Variants in ENOX1 observed in about 807,000 individuals in gnomAD.
The protein encoded by ENOX1 is candidate growth-related and time keeping constitutive hydroquinone (NADH) oxidase.
ENOX1 carries 42 observed loss-of-function variants against 82.5 expected under a neutral mutation model. That is an observed-to-expected ratio of 0.51 (90% CI 0.40 to 0.66). ENOX1 has a LOEUF of 0.66. Among genes scored for constraint, ENOX1 ranks in the 30% least tolerant of loss-of-function variants. ENOX1 has a pLI of 0.00. For synonymous variants in ENOX1, 271 were observed against 282.2 expected, an observed-to-expected ratio of 0.96 and a Z score of 0.40; for missense variants, 608 against 811.6, an observed-to-expected ratio of 0.75 and a Z score of 3.05.
Position 43,705,171 on chromosome 13 carries a change from T to C in ENOX1, c.-284-37627A>G, listed in dbSNP as rs575780098. Reference sequence around the variant, plus strand: ...GACAAATGGAAACCAAATAGCAAAATTGCACACTTAAAAACAAATATCAAA... The same window carrying C: ...GACAAATGGAAACCAAATAGCAAAACTGCACACTTAAAAACAAATATCAAA... On this transcript the variant is annotated intron_variant, in intron 1 of 16. Coordinates refer to ENST00000690772, the MANE Select transcript of ENOX1 (RefSeq NM_001347969.2). Among the ~76,000 whole-genome samples the C allele has an allele frequency of 1.7e-4, 26 of 151,466 alleles. No homozygotes were observed. In the East Asian group the frequency reaches 4.1e-3, roughly 24 times the overall value.
At chr13:43,272,905 A>G (rs2044772736) in intron 12 of ENOX1, among the ~76,000 whole-genome samples, 1 of 152,158 alleles carries the variant, frequency 6.6e-6, no homozygotes, top group Admixed American at 6.5e-5. Context: ...CTAGTACTCT[A>G]CTCAGACTGT....
chr13:43,490,093 C>A (rs2076569688), intron 2 of ENOX1, among the ~76,000 whole-genome samples: 2 of 152,116 alleles, frequency 1.3e-5, no homozygotes, highest in South Asian at 4.1e-4. Context: ...TGCCTGCCCC[C>A]ACGCCCAGCC....
At position 43,688,212 on chromosome 13, in the gene ENOX1, A is replaced by C. The variant is rs535735465; in HGVS notation, c.-284-20668T>G. On this transcript the variant is annotated intron_variant, in intron 1 of 16. Coordinates refer to ENST00000690772, the MANE Select transcript of ENOX1 (RefSeq NM_001347969.2). ...GTATCATTAACGGGAGGTTAACTGC[A>C]ACAAGTAGACCTTCAACATTTCCTT... 1.1e-4 allele frequency among the ~76,000 whole-genome samples: 17 copies of C among 152,270 alleles called. No individual in the cohort carries two copies. In the East Asian group the frequency reaches 3.3e-3, roughly 29 times the overall value.
At chr13:43,586,143 C>T (rs2080970823) in intron 2 of ENOX1, among the ~76,000 whole-genome samples, 1 of 152,194 alleles carries the variant, frequency 6.6e-6, no homozygotes, top group Non-Finnish European at 1.5e-5. Context: ...TTACTGTTCT[C>T]CCTACGTCTG....
chr13:43,470,247 T>C (rs113413876), intron 3 of ENOX1, among the ~76,000 whole-genome samples: 1 of 59,782 alleles, frequency 1.7e-5, no homozygotes, highest in African/African-American at 4.6e-5. Context: ...TGTATATATA[T>C]ACATATATAT....
At chr13:43,650,921 C>A (rs756789086) in intron 2 of ENOX1, among the ~76,000 whole-genome samples, 25 of 152,192 alleles carry the variant, frequency 1.6e-4, no homozygotes, top group Non-Finnish European at 3.5e-4. Flanking sequence ...TGTTCAGGAA[C>A]CTCATCACGT....
At chr13:43,228,956 T>C (rs1430243767) in intron 15 of ENOX1, among the ~76,000 whole-genome samples, 5 of 152,240 alleles carry the variant, frequency 3.3e-5, no homozygotes, top group Admixed American at 6.5e-5. Context: ...GGTTTGGCTA[T>C]GTCCCCCCAA....
chr13:43,453,944 T>C (rs1435723481), intron 3 of ENOX1, among the ~76,000 whole-genome samples: 1 of 152,292 alleles, frequency 6.6e-6, no homozygotes, highest in Admixed American at 6.5e-5. Context: ...AGAGTAAGAC[T>C]GGCAGAGGGT....
intron 3 of ENOX1, among the ~76,000 whole-genome samples, chr13:43,453,348 C>T (rs1043536542): frequency 5.3e-5 from 8 of 152,160 alleles, no homozygotes; most frequent in Non-Finnish European, 8.8e-5. Flanking sequence ...GCACACTCTC[C>T]GTGCTTAGGA....
intron 14 of ENOX1, among the ~76,000 whole-genome samples, chr13:43,247,849 ATATATATATATATAT>A (rs2043175358): frequency 7.6e-3 from 9 of 1,178 alleles, no homozygotes; most frequent in Non-Finnish European, 0.011. Flanking sequence ...ATATATATAT[ATATATATATATATAT>A]ATATATATAT....
intron 2 of ENOX1, among the ~76,000 whole-genome samples, chr13:43,503,331 A>G (rs1392809850): frequency 2.0e-5 from 3 of 151,836 alleles, no homozygotes; most frequent in Admixed American, 1.3e-4. Context: ...TACAGATTCA[A>G]TGAAACCTCT....
At chr13:43,512,858 TTCCA>T (rs1223746183) in intron 2 of ENOX1, among the ~76,000 whole-genome samples, 1 of 152,152 alleles carries the variant, frequency 6.6e-6, no homozygotes, top group Non-Finnish European at 1.5e-5. Flanking sequence ...ATGAGCATTT[TTCCA>T]TCCATCTATC....
chr13:43,619,266 C>G (rs896085536), intron 2 of ENOX1, among the ~76,000 whole-genome samples: 2 of 152,050 alleles, frequency 1.3e-5, no homozygotes, highest in South Asian at 4.2e-4. Flanking sequence ...CTAGGACTTC[C>G]AGTACTATGT....
At chr13:43,647,859 C>T (rs113769143) in intron 2 of ENOX1, among the ~76,000 whole-genome samples, 3 of 152,248 alleles carry the variant, frequency 2.0e-5, no homozygotes, top group Admixed American at 6.5e-5. Flanking sequence ...TCCTTAAAAA[C>T]GAAGAACCTT....
intron 2 of ENOX1, among the ~76,000 whole-genome samples, chr13:43,615,803 T>C (rs1302803476): frequency 6.6e-6 from 1 of 151,828 alleles, no homozygotes; most frequent in Non-Finnish European, 1.5e-5. Flanking sequence ...CCATGTGTTC[T>C]CTTTGTTCAA....
rs114213966 is a variant in ENOX1 at position 43,322,376 on chromosome 13, G to C, written c.1261+8C>G. 1 of 1,606,248 alleles carries C rather than the reference G, an allele frequency of 6.2e-7. No individual in the cohort carries two copies. Among genetic ancestry groups the C allele is most frequent in the Non-Finnish European group, 8.5e-7 (1 of 1,173,218 alleles). ...ACCTCATGGGTCTGTGGCAGTTATC[G>C]GCATTACCTGATTCATCGACTCTCA... On this transcript the variant is annotated splice_region_variant and intron_variant, in intron 11 of 16. Coordinates refer to ENST00000690772, the MANE Select transcript of ENOX1 (RefSeq NM_001347969.2).
chr13:43,434,972 T>A (rs1419020298), intron 3 of ENOX1, among the ~76,000 whole-genome samples: 1 of 140,674 alleles, frequency 7.1e-6, no homozygotes, highest in African/African-American at 2.6e-5. Context: ...TGTATATCTA[T>A]GTATTTGTGT....
chr13:43,358,442 A>T (rs1300067691), intron 7 of ENOX1, among the ~76,000 whole-genome samples: 1 of 18,836 alleles, frequency 5.3e-5, no homozygotes, highest in Admixed American at 8.1e-4. Flanking sequence ...CAGGATATAC[A>T]TGGGGCGGGG....
chr13:43,670,913 C>A (rs965849298), intron 1 of ENOX1, among the ~76,000 whole-genome samples: 30 of 152,054 alleles, frequency 2.0e-4, no homozygotes, highest in Admixed American at 4.6e-4. Context: ...AAATATCACA[C>A]AATAATGCAT....
Sources: allele counts gnomAD v4.1 joint callset (sites outside exome capture counted in the v4.1 genomes callset), GRCh38; gene constraint gnomAD v4.1.1; transcripts MANE v1.5; gene names NCBI Gene and HGNC (gene_info 2026-07-23, HGNC 2026-07-21).